The following PICALM variants were observed in gnomAD, a reference collection of about 807,000 sequenced individuals.
PICALM encodes phosphatidylinositol binding clathrin assembly protein.
Under a neutral mutation model 80.5 loss-of-function variants are expected in PICALM, and 40 were observed. That is an observed-to-expected ratio of 0.50 (90% CI 0.39 to 0.65). The LOEUF (loss-of-function observed/expected upper bound fraction) is 0.65, where lower values mean the gene tolerates loss of function less well. Among genes scored for constraint, PICALM ranks in the 30% least tolerant of loss-of-function variants. The pLI, the probability that PICALM is intolerant of heterozygous loss-of-function variation, is 0.00. For missense variants in PICALM, 676 were observed against 778.9 expected, an observed-to-expected ratio of 0.87 and a Z score of 1.57; for synonymous variants, 288 against 260.3, an observed-to-expected ratio of 1.11 and a Z score of -1.02.
Position 86,038,549 on chromosome 11 carries a change from G to A in PICALM, c.131-6938C>T, listed in dbSNP as rs376704665. On this transcript the variant is annotated intron_variant, in intron 1 of 19. Transcript: ENST00000393346. Reference sequence around the variant, plus strand: ...TGGAATCCCAGCACTTTGGGAGACCGAGGCGGGTGGATCATGAGGTCAGGA... The same window carrying A: ...TGGAATCCCAGCACTTTGGGAGACCAAGGCGGGTGGATCATGAGGTCAGGA... 1.8e-4 allele frequency among the ~76,000 whole-genome samples: 28 copies of A among 152,078 alleles called. No individual in the cohort carries two copies. The East Asian group carries it at 4.3e-3, about 23-fold the overall frequency.
chr11:86,040,018 A>AG (rs1158865798), intron 1 of PICALM, among the ~76,000 whole-genome samples: 7,857 of 142,810 alleles, frequency 0.055, 437 homozygotes, highest in African/African-American at 0.13. Context: ...AAAAAAAAAA[A>AG]AAAAAAAAAG....
chr11:86,037,721 T>C (rs1411227242), intron 1 of PICALM, among the ~76,000 whole-genome samples: 1 of 151,880 alleles, frequency 6.6e-6, no homozygotes, highest in East Asian at 1.9e-4. Context: ...TATGTATGTG[T>C]AATATTTTTT....
chr11:85,957,829 CCTT>C lies in PICALM; in HGVS notation c.*1214_*1216del, dbSNP rs2093572273. 1.3e-5 allele frequency: 3 copies of C among 222,988 alleles called. No homozygotes were observed. The highest frequency in any genetic ancestry group is 1.3e-4 in the East Asian group (2 of 15,198). The allele number at this position is 222,988 out of a possible 1,614,324, so 13.8% of individuals were successfully genotyped here. A position where few individuals can be genotyped will look rare whatever the true frequency, so the allele number is the denominator to read the frequency against. Reference sequence around the variant, plus strand: ...GAATTGCTTTCCTACAATGAACTGTCCTTCTTAAGGCCCCTCTCCACCCAAATG... The same window carrying C: ...GAATTGCTTTCCTACAATGAACTGTCCTTAAGGCCCCTCTCCACCCAAATG... On this transcript the variant is annotated 3_prime_UTR_variant, in exon 20 of 20. Coordinates refer to ENST00000393346, the MANE Select transcript of PICALM (RefSeq NM_007166.4).
chr11:85,995,675 G>A (rs2094936378), intron 12 of PICALM, among the ~76,000 whole-genome samples: 1 of 152,130 alleles, frequency 6.6e-6, no homozygotes, highest in African/African-American at 2.4e-5. Flanking sequence ...GAAATAAGCT[G>A]AAACTGCTTA....
chr11:86,053,849 T>C (rs542919825), intron 1 of PICALM, among the ~76,000 whole-genome samples: 1 of 152,306 alleles, frequency 6.6e-6, no homozygotes, highest in East Asian at 1.9e-4. Context: ...ATTACAGGGA[T>C]GAGCCAAAGC....
intron 2 of PICALM, among the ~76,000 whole-genome samples, chr11:86,030,656 A>G (rs2095735588): frequency 6.6e-6 from 1 of 152,240 alleles, no homozygotes; most frequent in Non-Finnish European, 1.5e-5. Context: ...TCAAAAGCGT[A>G]TATATCTTAT....
intron 5 of PICALM, 72 bp downstream of exon 5, chr11:86,014,798 T>A (rs1047994302): frequency 2.5e-6 from 2 of 800,154 alleles, no homozygotes; most frequent in Non-Finnish European, 3.9e-6. Context: ...TGTGAAAACT[T>A]GAGGTTAAAA....
intron 1 of PICALM, among the ~76,000 whole-genome samples, chr11:86,065,450 A>T (rs2096434053): frequency 6.7e-6 from 1 of 148,284 alleles, no homozygotes; most frequent in African/African-American, 2.4e-5. Context: ...TCAAAAAAAA[A>T]AAAAATTTGT....
intron 11 of PICALM, among the ~76,000 whole-genome samples, chr11:85,997,875 T>C (rs1012678754): frequency 4.6e-5 from 7 of 151,282 alleles, no homozygotes; most frequent in Non-Finnish European, 8.9e-5. Flanking sequence ...CTCCACCTCC[T>C]GGGTTCCAGT....
chr11:86,051,871 C>A (rs139705495), intron 1 of PICALM, among the ~76,000 whole-genome samples: 23 of 152,248 alleles, frequency 1.5e-4, no homozygotes, highest in African/African-American at 5.3e-4. Flanking sequence ...TTCTCTATGT[C>A]TTCTTACTAA....
intron 1 of PICALM, among the ~76,000 whole-genome samples, chr11:86,049,337 A>G (rs1035541277): frequency 6.6e-6 from 1 of 152,218 alleles, no homozygotes; most frequent in Admixed American, 6.5e-5. Flanking sequence ...CCATACCAAA[A>G]GATCAAATGC....
intron 14 of PICALM, 69 bp from the exon 15 acceptor site, chr11:85,982,072 G>T: frequency 7.1e-7 from 1 of 1,409,134 alleles, no homozygotes; most frequent in Non-Finnish European, 1.0e-6. Flanking sequence ...TCTAAAGGAG[G>T]TCTTTGCCTT....
At chr11:86,035,036 T>C (rs1413426681) in intron 1 of PICALM, among the ~76,000 whole-genome samples, 5 of 151,834 alleles carry the variant, frequency 3.3e-5, no homozygotes, top group African/African-American at 9.7e-5. Context: ...GCCAATTTAA[T>C]ACACGTTCTC....
chr11:85,998,983 C>T (rs1202982656), intron 11 of PICALM, among the ~76,000 whole-genome samples: 1 of 152,134 alleles, frequency 6.6e-6, no homozygotes, highest in Non-Finnish European at 1.5e-5. Context: ...AATGGATATA[C>T]AATAATTGTA....
At chr11:86,048,604 C>T (rs909052774) in intron 1 of PICALM, among the ~76,000 whole-genome samples, 4 of 151,642 alleles carry the variant, frequency 2.6e-5, no homozygotes, top group South Asian at 2.1e-4. Flanking sequence ...GGGGCTGAGG[C>T]GGGCAGATCA....
At chr11:85,973,539 A>C (rs1036384602) in intron 19 of PICALM, among the ~76,000 whole-genome samples, 1 of 152,156 alleles carries the variant, frequency 6.6e-6, no homozygotes, top group Non-Finnish European at 1.5e-5. Flanking sequence ...TACTGTACTT[A>C]ATTTATAAAT....
intron 1 of PICALM, among the ~76,000 whole-genome samples, chr11:86,062,863 AAGAC>A (rs1473495128): frequency 1.3e-5 from 2 of 152,340 alleles, no homozygotes; most frequent in Non-Finnish European, 2.9e-5. Flanking sequence ...GGAACATACT[AAGAC>A]AGAACACAAA....
At chr11:86,022,584 T>C (rs1351176651) in intron 3 of PICALM, 115 bp from the exon 4 acceptor site, 2 of 547,756 alleles carry the variant, frequency 3.7e-6, no homozygotes, top group Non-Finnish European at 6.4e-6. Context: ...CTATAAAATG[T>C]CTTGATATCC....
intron 2 of PICALM, among the ~76,000 whole-genome samples, chr11:86,030,336 T>C (rs1007645050): frequency 7.2e-5 from 11 of 152,196 alleles, no homozygotes; most frequent in African/African-American, 2.7e-4. Flanking sequence ...ATATTGGTAG[T>C]TGTCAAAAAA....
Sources: gnomAD v4.1 joint callset for allele counts (sites outside exome capture counted in the v4.1 genomes callset) on GRCh38, gnomAD v4.1.1 for gene constraint, MANE v1.5 for transcripts, NCBI Gene and HGNC (gene_info 2026-07-23, HGNC 2026-07-21) for gene names.